Variants in ANKS1B observed in about 807,000 individuals in gnomAD.
ANKS1B encodes the protein ankyrin repeat and sterile alpha motif domain containing 1B, also known as ankyrin repeat and sterile alpha motif domain-containing protein 1B.
A neutral mutation model predicts 148.3 loss-of-function variants in ANKS1B; 36 were observed. The observed-to-expected ratio is 0.24, with a 90% CI of 0.19 to 0.32. ANKS1B has a LOEUF of 0.32. Among genes scored for constraint, ANKS1B ranks in the 10% least tolerant of loss-of-function variants. The pLI is 1.00. For synonymous variants in ANKS1B, 542 were observed against 560.8 expected, an observed-to-expected ratio of 0.97 and a Z score of 0.47; for missense variants, 1,157 against 1,542.6, an observed-to-expected ratio of 0.75 and a Z score of 4.19.
chr12:98,850,114 C>A (rs10777948), intron 17 of ANKS1B, among the ~76,000 whole-genome samples: 36,426 of 151,904 alleles, frequency 0.24, 4,848 homozygotes, highest in African/African-American at 0.35. Flanking sequence ...GACAGACAAC[C>A]CCATGACACA....
intron 4 of ANKS1B, among the ~76,000 whole-genome samples, chr12:99,782,583 T>C (rs1017069245): frequency 9.2e-5 from 14 of 152,018 alleles, no homozygotes; most frequent in Non-Finnish European, 1.8e-4. Context: ...AAATAGCCAT[T>C]TGACTTTCTT....
intron 12 of ANKS1B, among the ~76,000 whole-genome samples, chr12:99,270,545 T>C (rs1400053905): frequency 6.6e-6 from 1 of 152,228 alleles, no homozygotes; most frequent in African/African-American, 2.4e-5. Flanking sequence ...GTTGAATCCC[T>C]AGTGCCCAAA....
At chr12:98,942,640 G>A (rs2099838812) in intron 17 of ANKS1B, among the ~76,000 whole-genome samples, 1 of 152,212 alleles carries the variant, frequency 6.6e-6, no homozygotes, top group Admixed American at 6.5e-5. Flanking sequence ...ATGAGGGCAA[G>A]GGCTGAATGT....
intron 17 of ANKS1B, among the ~76,000 whole-genome samples, chr12:98,892,977 G>T (rs2099755758): frequency 6.6e-6 from 1 of 152,184 alleles, no homozygotes; most frequent in African/African-American, 2.4e-5. Flanking sequence ...TTTGGCAACT[G>T]CAGGACAAGG....
chr12:99,730,576 G>A (rs1435681478), intron 8 of ANKS1B, among the ~76,000 whole-genome samples: 3 of 152,176 alleles, frequency 2.0e-5, no homozygotes, highest in Non-Finnish European at 4.4e-5. Flanking sequence ...GGGGAGCTGT[G>A]CAGAAGAGAA....
chr12:99,259,298 T>C (rs551740761), intron 12 of ANKS1B, among the ~76,000 whole-genome samples: 2 of 152,326 alleles, frequency 1.3e-5, no homozygotes, highest in East Asian at 3.9e-4. Flanking sequence ...ATTGCTGGTA[T>C]GTTTAGATGC....
At chr12:99,893,339 A>C (rs1055477554) in intron 1 of ANKS1B, among the ~76,000 whole-genome samples, 1 of 150,514 alleles carries the variant, frequency 6.6e-6, no homozygotes, top group Admixed American at 6.7e-5. Flanking sequence ...TGAACCCAGG[A>C]GGCAGAGCTT....
intron 9 of ANKS1B, among the ~76,000 whole-genome samples, chr12:99,613,429 T>A (rs549674718): frequency 1.3e-5 from 2 of 152,136 alleles, no homozygotes; most frequent in East Asian, 3.9e-4. Context: ...CTATTCATAA[T>A]AGCAAAAACT....
chr12:98,863,751 A>C (rs2099611146), intron 17 of ANKS1B, among the ~76,000 whole-genome samples: 1 of 152,244 alleles, frequency 6.6e-6, no homozygotes, highest in Admixed American at 6.5e-5. Context: ...ATTAGCCAGT[A>C]ATGAACAAAA....
chr12:99,657,927 A>C (rs947063583), intron 8 of ANKS1B, among the ~76,000 whole-genome samples: 7 of 137,692 alleles, frequency 5.1e-5, no homozygotes, highest in African/African-American at 8.2e-5. Context: ...AAAAAAGCTT[A>C]TCTCTCTTCC....
At chr12:99,346,383 A>G (rs914053254) in intron 12 of ANKS1B, among the ~76,000 whole-genome samples, 6 of 150,898 alleles carry the variant, frequency 4.0e-5, no homozygotes, top group South Asian at 2.1e-4. Flanking sequence ...TCACACACGC[A>G]CACACACACA....
At chr12:99,086,672 T>C (rs950744039) in intron 15 of ANKS1B, among the ~76,000 whole-genome samples, 1 of 152,190 alleles carries the variant, frequency 6.6e-6, no homozygotes, top group African/African-American at 2.4e-5. Flanking sequence ...TGATTAATAT[T>C]TGAATGCAGA....
At chr12:99,845,164 C>A (rs1177499047) in intron 1 of ANKS1B, among the ~76,000 whole-genome samples, 1 of 152,076 alleles carries the variant, frequency 6.6e-6, no homozygotes, top group Non-Finnish European at 1.5e-5. Flanking sequence ...TATAGGATCA[C>A]GTTATCTGCA....
intron 9 of ANKS1B, among the ~76,000 whole-genome samples, chr12:99,593,902 G>C (rs550172341): frequency 6.6e-6 from 1 of 151,952 alleles, no homozygotes; most frequent in Admixed American, 6.6e-5. Flanking sequence ...AGTTTACAAA[G>C]TGCCTGTATA....
intron 14 of ANKS1B, among the ~76,000 whole-genome samples, chr12:99,199,799 T>C (rs1566615169): frequency 6.6e-6 from 1 of 152,182 alleles, no homozygotes. Flanking sequence ...ATCATATTTT[T>C]CTTATTTTAG....
Position 98,781,133 on chromosome 12 carries a change from A to G in ANKS1B, c.3425T>C (p.Ile1142Thr), listed in dbSNP as rs1020012494. Residue 1142 changes from isoleucine (I) to threonine (T), a missense_variant, in exon 24 of 27, where the codon ATT (isoleucine) becomes ACT (threonine). Transcript: ENST00000683438. The part of the protein sequence containing the change: ...LSVSYKGVKF[I>T]DATNKNIIAE... ...GGTACTTACCTTATTTGTTGCATCA[A>G]TAAATTTGACTCCTTTATATGAGAC... The G allele has an allele frequency of 6.3e-7, 1 of 1,575,494 alleles. No homozygotes were observed. Among genetic ancestry groups the G allele is most frequent in the South Asian group, 1.2e-5 (1 of 86,148 alleles).
intron 15 of ANKS1B, among the ~76,000 whole-genome samples, chr12:99,147,220 G>A (rs1164586895): frequency 6.6e-6 from 1 of 152,098 alleles, no homozygotes; most frequent in Non-Finnish European, 1.5e-5. Flanking sequence ...CATACTTGGA[G>A]ATTGAGAAAA....
At chr12:99,241,187 C>T (rs948202188) in intron 14 of ANKS1B, among the ~76,000 whole-genome samples, 3 of 152,076 alleles carry the variant, frequency 2.0e-5, no homozygotes, top group African/African-American at 4.8e-5. Flanking sequence ...AAGAATCAAA[C>T]AGATGCAATA....
chr12:99,486,455 C>CTTGCTTATTTAT (rs1392945522), intron 10 of ANKS1B, among the ~76,000 whole-genome samples: 2 of 146,844 alleles, frequency 1.4e-5, no homozygotes, highest in African/African-American at 5.0e-5. Context: ...ATGGCATGTG[C>CTTGCTTATTTAT]TTATTTATTT....
Sources: allele counts gnomAD v4.1 joint callset (sites outside exome capture counted in the v4.1 genomes callset), GRCh38; gene constraint gnomAD v4.1.1; transcripts MANE v1.5; gene names NCBI Gene and HGNC (gene_info 2026-07-23, HGNC 2026-07-21).